Variants in VCL observed in about 807,000 individuals in gnomAD.
VCL encodes the protein vinculin.
VCL carries 47 observed loss-of-function variants against 125.7 expected under a neutral mutation model. That is an observed-to-expected ratio of 0.37 (90% confidence interval 0.30 to 0.48). The LOEUF (loss-of-function observed/expected upper bound fraction) is 0.48, where lower values mean the gene tolerates loss of function less well. VCL is among the 20% of genes least tolerant of loss of function. The probability of loss-of-function intolerance (pLI) is 0.99; values close to 1 mark genes in which losing one functional copy is unlikely to be tolerated. For missense variants in VCL, 1,069 were observed against 1,455.5 expected (o/e 0.73, Z 4.32); for synonymous variants, 458 against 514.6 (o/e 0.89, Z 1.49).
intron 1 of VCL, among the ~76,000 whole-genome samples, chr10:74,007,398 GCT>G (rs557283481): frequency 1.3e-5 from 2 of 152,304 alleles, no homozygotes; most frequent in African/African-American, 2.4e-5. Flanking sequence ...GCATGGAGAT[GCT>G]CTGTTATTAC....
intron 2 of VCL, among the ~76,000 whole-genome samples, chr10:74,058,259 C>T (rs1325894400): frequency 6.6e-6 from 1 of 152,118 alleles, no homozygotes; most frequent in Non-Finnish European, 1.5e-5. Flanking sequence ...CACTTCCTTC[C>T]CTCCACCTGT....
At position 74,036,526 on chromosome 10, in the gene VCL, A is replaced by G. The variant is rs541264564; in HGVS notation, c.169-6557A>G. ...CACTCTGTTTTTTTTTAACCCTTTA[A>G]TCCATAGGACTTTTTTCAGAAGGAA... On this transcript the variant is annotated intron_variant, in intron 1 of 21. Coordinates refer to ENST00000211998, the MANE Select transcript of VCL (RefSeq NM_014000.3). Among the ~76,000 whole-genome samples, 587 of 151,978 alleles carry G rather than the reference A, an allele frequency of 3.9e-3. 7 individuals are homozygous for G. The highest frequency in any genetic ancestry group is 6.2e-3 in the Non-Finnish European group (423 of 67,930).
At chr10:74,018,803 A>T (rs1004898569) in intron 1 of VCL, among the ~76,000 whole-genome samples, 1 of 152,206 alleles carries the variant, frequency 6.6e-6, no homozygotes, top group Non-Finnish European at 1.5e-5. Context: ...CCAGCCACCC[A>T]GTTTCCCTCC....
Position 74,105,339 on chromosome 10 carries a change from A to G in VCL, c.2420A>G (p.Asn807Ser). Residue 807 changes from asparagine to serine, a missense_variant, in exon 16 of 22, where the codon AAC (asparagine) becomes AGC (serine). Physicochemically the swap from Asn to Ser is conservative, Grantham distance 46 (BLOSUM62 1). This residue lies in a region of VCL where 760 missense variants were observed against 928.9 expected (regional missense o/e 0.82). Transcript: ENST00000211998. Reference protein sequence around the residue: ...MVMDAKAVAGNISDPGLQKSF... With the variant: ...MVMDAKAVAGSISDPGLQKSF... The stretch of plus-strand genomic sequence containing the variant: ...ATGGATGCAAAAGCTGTGGCTGGAA[A>G]CATTTCCGACCCTGGTAAGCAATGC... 6.2e-7 allele frequency: 1 copy of G among 1,612,308 alleles called. No individual in the cohort carries two copies. Among genetic ancestry groups the G allele is most frequent in the Non-Finnish European group, 8.5e-7 (1 of 1,179,962 alleles).
chr10:74,118,481 C>CA lies in VCL; in HGVS notation c.*313dup. 1 of 407,814 alleles carries CA rather than the reference C, an allele frequency of 2.5e-6. No homozygotes were observed. The highest frequency in any genetic ancestry group is 4.6e-6 in the Non-Finnish European group (1 of 216,176). 25.3% of individuals were successfully genotyped at this position (407,814 alleles called of 1,614,324 possible). ...GCTCAGAATCCAAGTGAACACTAGC[C>CA]AGACACTCTGCTCTGCCCTTGTTCC... On this transcript the variant is annotated 3_prime_UTR_variant, in exon 22 of 22. Transcript: ENST00000211998.
chr10:74,106,512 T>C (rs1037445259), intron 16 of VCL, among the ~76,000 whole-genome samples: 2 of 152,234 alleles, frequency 1.3e-5, no homozygotes, highest in African/African-American at 4.8e-5. Flanking sequence ...CAGATCATAA[T>C]TGGAGCCGCT....
Position 74,090,180 on chromosome 10 carries a change from T to C in VCL, c.1334T>C (p.Leu445Ser), listed in dbSNP as rs747568915. ...GAAATATCTGCTCTGACTTCTAAAT[T>C]AGCAGATCTACGAAGACAGTATGTA... ...LGEISALTSK[L>S]ADLRRQGKGD... Residue 445 changes from leucine to serine, a missense_variant, in exon 10 of 22, where the codon TTA becomes TCA. Leu to Ser is a moderately radical substitution (Grantham distance 145, BLOSUM62 -2). Transcript: ENST00000211998. 2 of 1,614,204 alleles carry C rather than the reference T, an allele frequency of 1.2e-6. No homozygotes were observed. The highest frequency in any genetic ancestry group is 2.2e-5 in the East Asian group (1 of 44,882).
At chr10:74,036,404 T>C (rs1840978677) in intron 1 of VCL, among the ~76,000 whole-genome samples, 2 of 152,162 alleles carry the variant, frequency 1.3e-5, no homozygotes, top group South Asian at 4.1e-4. Flanking sequence ...GGTTTCACCA[T>C]GTTGGCCAGT....
chr10:74,078,718 G>T (rs887682732), intron 6 of VCL, among the ~76,000 whole-genome samples: 1 of 152,180 alleles, frequency 6.6e-6, no homozygotes, highest in Non-Finnish European at 1.5e-5. Context: ...AAGGTAACTT[G>T]CATGAAGTCT....
intron 1 of VCL, among the ~76,000 whole-genome samples, chr10:74,018,889 A>G (rs1443877805): frequency 6.6e-6 from 1 of 152,180 alleles, no homozygotes; most frequent in East Asian, 1.9e-4. Flanking sequence ...ACAATCTGGC[A>G]GTAACTAGTC....
intron 2 of VCL, among the ~76,000 whole-genome samples, chr10:74,066,613 T>C (rs1013578038): frequency 3.3e-5 from 5 of 151,678 alleles, no homozygotes; most frequent in African/African-American, 4.8e-5. Flanking sequence ...CTCTGGAGAA[T>C]AGGAAGGAGG....
intron 2 of VCL, among the ~76,000 whole-genome samples, chr10:74,061,937 G>T (rs1341043882): frequency 4.6e-5 from 6 of 131,598 alleles, no homozygotes; most frequent in Admixed American, 3.4e-4. Context: ...ACAGGATCTT[G>T]CTGGGTCACT....
intron 1 of VCL, among the ~76,000 whole-genome samples, chr10:74,037,910 C>T (rs555760091): frequency 3.3e-5 from 5 of 152,262 alleles, no homozygotes; most frequent in Admixed American, 1.3e-4. Context: ...AGCCACTAGC[C>T]GTAGGTGGCA....
chr10:74,061,477 A>G (rs1841477738), intron 2 of VCL, among the ~76,000 whole-genome samples: 1 of 152,216 alleles, frequency 6.6e-6, no homozygotes, highest in Non-Finnish European at 1.5e-5. Flanking sequence ...TTTTTTTTCC[A>G]AATTTGAAAA....
chr10:74,034,301 T>A (rs1840933635), intron 1 of VCL, among the ~76,000 whole-genome samples: 1 of 152,178 alleles, frequency 6.6e-6, no homozygotes, highest in Non-Finnish European at 1.5e-5. Flanking sequence ...TCCAATTTCC[T>A]GTCCTCTCCA....
At chr10:73,999,406 A>G (rs1196864939) in intron 1 of VCL, among the ~76,000 whole-genome samples, 3 of 152,170 alleles carry the variant, frequency 2.0e-5, no homozygotes, top group Non-Finnish European at 2.9e-5. Context: ...TGAAATGGGA[A>G]AAAAGAGGTG....
intron 21 of VCL, among the ~76,000 whole-genome samples, chr10:74,116,384 C>T (rs903616465): frequency 6.6e-6 from 1 of 152,098 alleles, no homozygotes; most frequent in Non-Finnish European, 1.5e-5. Context: ...GTCATGTGAT[C>T]TCTTCTGTCC....
chr10:74,083,217 T>G, intron 7 of VCL, 149 bp from the exon 8 acceptor site: 1 of 1,013,236 alleles, frequency 9.9e-7, no homozygotes. Flanking sequence ...AGGGCACTGC[T>G]TGGCTGTTAG....
chr10:74,107,185 G>A (rs879051566), intron 16 of VCL, 45 bp from the exon 17 acceptor site: 1 of 1,613,748 alleles, frequency 6.2e-7, no homozygotes, highest in South Asian at 1.1e-5. Context: ...CAGTGCTTTG[G>A]GGCACTGACC....
Sources: gnomAD v4.1 joint callset for allele counts (sites outside exome capture counted in the v4.1 genomes callset) on GRCh38, gnomAD v4.1.1 for gene constraint, gnomAD v4.1.1 regional missense constraint, MANE v1.5 for transcripts, NCBI Gene and HGNC (gene_info 2026-07-23, HGNC 2026-07-21) for gene names.